Variants in EPHA5 observed in about 807,000 individuals in gnomAD.
EPHA5 encodes EPH receptor A5, also known as ephrin type-A receptor 5.
In EPHA5, 60 loss-of-function variants were observed where a neutral mutation model predicts 105.0. The ratio of observed to expected loss-of-function variants is 0.57; its 90% CI spans 0.46 to 0.71. The LOEUF is 0.71. Ranked by LOEUF, EPHA5 falls within the 30% of genes least tolerant of loss-of-function variation. EPHA5 has a pLI of 0.00. For missense variants in EPHA5, 1,218 were observed against 1,274.7 expected (o/e 0.96, Z 0.68); for synonymous variants, 513 against 449.1 (o/e 1.14, Z -1.80).
intron 3 of EPHA5, among the ~76,000 whole-genome samples, chr4:65,593,513 A>T (rs1742874424): frequency 6.6e-6 from 1 of 152,132 alleles, no homozygotes; most frequent in African/African-American, 2.4e-5. Context: ...ATGTGCTAAA[A>T]TGTAGATCCA....
intron 3 of EPHA5, among the ~76,000 whole-genome samples, chr4:65,583,047 T>C (rs997726762): frequency 3.3e-5 from 5 of 151,674 alleles, no homozygotes; most frequent in Non-Finnish European, 5.9e-5. Flanking sequence ...AGGCAATAGG[T>C]ATGTATTCTT....
intron 13 of EPHA5, among the ~76,000 whole-genome samples, chr4:65,348,778 C>T (rs1285889544): frequency 6.7e-4 from 30 of 44,498 alleles, no homozygotes; most frequent in South Asian, 7.8e-4. Context: ...TATGTGTGTG[C>T]ATGTGTGTGT....
At chr4:65,363,576 G>T (rs1219788438) in intron 11 of EPHA5, among the ~76,000 whole-genome samples, 1 of 151,474 alleles carries the variant, frequency 6.6e-6, no homozygotes, top group South Asian at 2.1e-4. Context: ...GTCATAGTGA[G>T]AGTTTATTTT....
At chr4:65,531,006 A>T (rs76267267) in intron 3 of EPHA5, among the ~76,000 whole-genome samples, 35 of 147,074 alleles carry the variant, frequency 2.4e-4, no homozygotes, top group African/African-American at 7.2e-4. Flanking sequence ...ATTTTTTTTT[A>T]TTTTTTTTAT....
chr4:65,486,383 A>T (rs112419961), intron 5 of EPHA5, among the ~76,000 whole-genome samples: 1,645 of 151,796 alleles, frequency 0.011, 16 homozygotes, highest in Non-Finnish European at 0.016. Context: ...TACTGAATTT[A>T]TTATGGATGT....
At chr4:65,668,454 G>A (rs1222731383) in intron 1 of EPHA5, among the ~76,000 whole-genome samples, 1 of 152,190 alleles carries the variant, frequency 6.6e-6, no homozygotes, top group East Asian at 1.9e-4. Context: ...TGTTTTCATG[G>A]TGGAGCTGAC....
chr4:65,432,155 G>C (rs1725037487), intron 5 of EPHA5, among the ~76,000 whole-genome samples: 2 of 152,078 alleles, frequency 1.3e-5, no homozygotes, highest in Non-Finnish European at 2.9e-5. Flanking sequence ...ATGATTAACT[G>C]TACATTTTAT....
chr4:65,573,486 G>C, intron 3 of EPHA5: 1 of 1,551,954 alleles, frequency 6.4e-7, no homozygotes, highest in Non-Finnish European at 8.6e-7. Context: ...TTAGAAGCCA[G>C]ATACTAAAGA....
chr4:65,536,073 A>G (rs958604685), intron 3 of EPHA5, among the ~76,000 whole-genome samples: 1 of 152,058 alleles, frequency 6.6e-6, no homozygotes, highest in South Asian at 2.1e-4. Flanking sequence ...TATTACCTTC[A>G]TGTTTTTAAC....
intron 16 of EPHA5, among the ~76,000 whole-genome samples, chr4:65,327,489 C>G (rs1260867790): frequency 6.6e-6 from 1 of 151,160 alleles, no homozygotes; most frequent in Non-Finnish European, 1.5e-5. Context: ...TAAGTACTGC[C>G]ACAAATGATG....
chr4:65,465,544 A>G (rs1467208048), intron 5 of EPHA5, among the ~76,000 whole-genome samples: 1 of 76,862 alleles, frequency 1.3e-5, no homozygotes, highest in Non-Finnish European at 2.8e-5. Flanking sequence ...AAGGAAAGGA[A>G]GGAAAGGAAG....
intron 11 of EPHA5, among the ~76,000 whole-genome samples, chr4:65,359,990 CA>C (rs1266812369): frequency 1.3e-5 from 2 of 151,604 alleles, no homozygotes; most frequent in Non-Finnish European, 3.0e-5. Flanking sequence ...ACTGCAGCGC[CA>C]ATGGCCTTCT....
intron 1 of EPHA5, among the ~76,000 whole-genome samples, chr4:65,655,102 G>GTGTT (rs1353090071): frequency 2.0e-5 from 3 of 151,368 alleles, no homozygotes; most frequent in African/African-American, 7.3e-5. Flanking sequence ...AATGTACATA[G>GTGTT]TGTTACCTGA....
intron 3 of EPHA5, among the ~76,000 whole-genome samples, chr4:65,566,390 A>T (rs1239822731): frequency 1.3e-5 from 2 of 151,722 alleles, no homozygotes; most frequent in African/African-American, 2.4e-5. Context: ...ATAGTTCCTT[A>T]AAAAATCCAC....
At chr4:65,529,013 T>C (rs980870979) in intron 3 of EPHA5, among the ~76,000 whole-genome samples, 4 of 152,170 alleles carry the variant, frequency 2.6e-5, no homozygotes, top group African/African-American at 9.7e-5. Flanking sequence ...ATATTGAAGT[T>C]ATTTCTGAGG....
chr4:65,511,239 T>TAA (rs1201924646), intron 3 of EPHA5, among the ~76,000 whole-genome samples: 1 of 152,110 alleles, frequency 6.6e-6, no homozygotes, highest in African/African-American at 2.4e-5. Context: ...GGAGATGTGG[T>TAA]AAGTAGGGTG....
In EPHA5 at chr4:65,586,537, C is replaced by G. The variant is rs1304544975; in HGVS notation, c.910+15104G>C. ...GTGCTACAATATTCTCTATCCTTGT[C>G]TTTTTACTATACATCTCTTCCCCTG... On this transcript the variant is annotated intron_variant, in intron 3 of 16. Coordinates refer to ENST00000613740, the MANE Select transcript of EPHA5 (RefSeq NM_001281766.3). Among the ~76,000 whole-genome samples the G allele has an allele frequency of 2.0e-5, 3 of 151,766 alleles. No homozygotes were observed. The East Asian group carries it at 5.8e-4, about 29-fold the overall frequency.
intron 4 of EPHA5, among the ~76,000 whole-genome samples, chr4:65,492,276 A>G (rs1017654345): frequency 2.0e-5 from 3 of 152,030 alleles, no homozygotes; most frequent in African/African-American, 7.2e-5. Context: ...ATTTTGGCTC[A>G]TTGCCACCTC....
chr4:65,522,316 G>GTATATATATATATATATATATATA (rs58851174), intron 3 of EPHA5, among the ~76,000 whole-genome samples: 24 of 142,862 alleles, frequency 1.7e-4, no homozygotes, highest in African/African-American at 4.3e-4. Context: ...ATATATATAT[G>GTATATATATATATATATATATATA]TATATATATA....
Sources: gnomAD v4.1 joint callset for allele counts (sites outside exome capture counted in the v4.1 genomes callset) on GRCh38, gnomAD v4.1.1 for gene constraint, MANE v1.5 for transcripts, NCBI Gene and HGNC (gene_info 2026-07-23, HGNC 2026-07-21) for gene names.